The following LEKR1 variants were observed in gnomAD, a reference collection of about 807,000 sequenced individuals.
LEKR1 encodes protein LEKR1.
Under a neutral mutation model 72.4 loss-of-function variants are expected in LEKR1, and 59 were observed. That is an observed-to-expected ratio of 0.82 (90% confidence interval 0.66 to 1.01). The LOEUF is 1.01. LEKR1 is among the 50% of genes least tolerant of loss of function. The probability of loss-of-function intolerance (pLI) is 0.00; values close to 1 mark genes in which losing one functional copy is unlikely to be tolerated. For missense variants in LEKR1, 728 were observed against 759.2 expected (o/e 0.96, Z 0.48); for synonymous variants, 257 against 263.2 (o/e 0.98, Z 0.23).
At chr3:156,855,173 G>C (rs561690645) in intron 3 of LEKR1, among the ~76,000 whole-genome samples, 1 of 152,054 alleles carries the variant, frequency 6.6e-6, no homozygotes. Flanking sequence ...TCTAGAAGTG[G>C]AACTACTGAA....
intron 7 of LEKR1, among the ~76,000 whole-genome samples, chr3:156,986,486 T>C (rs1260051588): frequency 1.3e-5 from 2 of 152,066 alleles, no homozygotes; most frequent in Non-Finnish European, 2.9e-5. Flanking sequence ...ATGTCAGAGG[T>C]CAATCTGATT....
At chr3:156,829,462 A>G in intron 2 of LEKR1, 85 bp downstream of exon 2, 1 of 924,980 alleles carries the variant, frequency 1.1e-6, no homozygotes, top group Admixed American at 2.5e-5. Flanking sequence ...TGAATTCATT[A>G]ATTTTGGTCA....
chr3:156,879,481 G>A (rs967496699), intron 3 of LEKR1, among the ~76,000 whole-genome samples: 1 of 152,086 alleles, frequency 6.6e-6, no homozygotes, highest in South Asian at 2.1e-4. Flanking sequence ...AAGGGAAACA[G>A]CATAAAAGTT....
At chr3:156,892,672 T>G (rs1246401534) in intron 3 of LEKR1, among the ~76,000 whole-genome samples, 1 of 152,232 alleles carries the variant, frequency 6.6e-6, no homozygotes, top group East Asian at 1.9e-4. Context: ...AACTCATTCT[T>G]TACCATTCAA....
intron 3 of LEKR1, among the ~76,000 whole-genome samples, chr3:156,875,626 A>G (rs1011887038): frequency 6.6e-5 from 10 of 152,234 alleles, no homozygotes; most frequent in East Asian, 1.9e-4. Flanking sequence ...AAGAGTTCCA[A>G]TGTTATCTTC....
intron 7 of LEKR1, among the ~76,000 whole-genome samples, chr3:156,982,440 G>C (rs1257470861): frequency 6.6e-6 from 1 of 152,184 alleles, no homozygotes; most frequent in East Asian, 1.9e-4. Context: ...CCACCAAACA[G>C]CATTCTCCTT....
chr3:156,979,011 T>G (rs1729945872), intron 6 of LEKR1, among the ~76,000 whole-genome samples, 183 bp from the exon 7 acceptor site: 1 of 151,642 alleles, frequency 6.6e-6, no homozygotes. Flanking sequence ...GTCTGTGGGG[T>G]GTTAGGATAG....
chr3:156,890,088 C>T (rs1319730322), intron 3 of LEKR1, among the ~76,000 whole-genome samples: 5 of 152,082 alleles, frequency 3.3e-5, no homozygotes, highest in Admixed American at 6.6e-5. Context: ...TATGATAGCT[C>T]ATGTAAATTA....
At chr3:156,912,503 C>G (rs1723210103) in intron 3 of LEKR1, among the ~76,000 whole-genome samples, 1 of 152,158 alleles carries the variant, frequency 6.6e-6, no homozygotes, top group Non-Finnish European at 1.5e-5. Context: ...TTCCAGACAG[C>G]CTATGCTCAG....
At chr3:156,931,250 A>AC (rs1199881973) in intron 5 of LEKR1, among the ~76,000 whole-genome samples, 1 of 152,192 alleles carries the variant, frequency 6.6e-6, no homozygotes, top group Non-Finnish European at 1.5e-5. Flanking sequence ...AGACACTTTT[A>AC]CACAGGAAGA....
rs184393619 is a variant in LEKR1 at position 156,872,407 on chromosome 3, T to C, written c.263+19425T>C. ...AAACTTTTCATTTCATTGATCCTTT[T>C]TATTTTATTTTATTTTTGTAGTCTC... On this transcript the variant is annotated intron_variant, in intron 3 of 12. Transcript: ENST00000356539. 4.9e-4 allele frequency among the ~76,000 whole-genome samples: 74 copies of C among 152,096 alleles called. 1 individual carries two copies. The highest frequency in any genetic ancestry group is 9.1e-4 in the Non-Finnish European group (62 of 67,920).
At chr3:156,983,201 A>G (rs1369119725) in intron 7 of LEKR1, among the ~76,000 whole-genome samples, 2 of 152,178 alleles carry the variant, frequency 1.3e-5, no homozygotes, top group African/African-American at 4.8e-5. Flanking sequence ...TAATACATAG[A>G]AAGGATAGTA....
At chr3:156,974,553 A>ATTGCTGT (rs1729523657) in intron 6 of LEKR1, among the ~76,000 whole-genome samples, 1 of 152,028 alleles carries the variant, frequency 6.6e-6, no homozygotes, top group South Asian at 2.1e-4. Context: ...GGTGTCTTTA[A>ATTGCTGT]TTGCTGTTTC....
chr3:156,924,232 G>A (rs1724496777), intron 4 of LEKR1, among the ~76,000 whole-genome samples: 2 of 152,084 alleles, frequency 1.3e-5, no homozygotes, highest in South Asian at 4.1e-4. Flanking sequence ...TACTAATGAT[G>A]TTGAGCATCT....
At chr3:156,962,868 C>T (rs891862379) in intron 6 of LEKR1, among the ~76,000 whole-genome samples, 1 of 152,138 alleles carries the variant, frequency 6.6e-6, no homozygotes, top group African/African-American at 2.4e-5. Flanking sequence ...TTACCTCCAA[C>T]ATCATTTTCT....
intron 6 of LEKR1, among the ~76,000 whole-genome samples, chr3:156,976,491 T>A (rs1273870547): frequency 6.6e-6 from 1 of 152,020 alleles, no homozygotes; most frequent in African/African-American, 2.4e-5. Flanking sequence ...AACACCATAA[T>A]TTTATTAATA....
chr3:156,995,465 T>G (rs948567342), intron 9 of LEKR1, among the ~76,000 whole-genome samples: 2 of 152,188 alleles, frequency 1.3e-5, no homozygotes, highest in African/African-American at 4.8e-5. Context: ...CTCTCTGCTT[T>G]AGTCTATCCA....
chr3:156,976,559 T>G (rs1576932392), intron 6 of LEKR1, among the ~76,000 whole-genome samples: 1 of 152,118 alleles, frequency 6.6e-6, no homozygotes, highest in East Asian at 1.9e-4. Context: ...AAACCACCTT[T>G]TGGAGTTAGA....
chr3:157,028,962 G>A (rs1294322398), intron 12 of LEKR1, among the ~76,000 whole-genome samples: 1 of 152,126 alleles, frequency 6.6e-6, no homozygotes, highest in Non-Finnish European at 1.5e-5. Flanking sequence ...ATTTTTGAAA[G>A]TCTTATGTCT....
Sources: gnomAD v4.1 joint callset for allele counts (sites outside exome capture counted in the v4.1 genomes callset) on GRCh38, gnomAD v4.1.1 for gene constraint, MANE v1.5 for transcripts, NCBI Gene and HGNC (gene_info 2026-07-23, HGNC 2026-07-21) for gene names.